The following MTX2 variants were observed in gnomAD, a reference collection of about 807,000 sequenced individuals.
MTX2 encodes the protein metaxin 2, also known as metaxin-2.
Under a neutral mutation model 42.3 loss-of-function variants are expected in MTX2, and 35 were observed. The ratio of observed to expected loss-of-function variants is 0.83; its 90% CI spans 0.63 to 1.10. The LOEUF (loss-of-function observed/expected upper bound fraction) is 1.10, where lower values mean the gene tolerates loss of function less well. MTX2 is among the 50% of genes least tolerant of loss of function. MTX2 has a pLI of 0.00. For missense variants in MTX2, 307 were observed against 304.1 expected, an observed-to-expected ratio of 1.01 and a Z score of -0.07; for synonymous variants, 119 against 100.9, an observed-to-expected ratio of 1.18 and a Z score of -1.08.
At chr2:176,277,468 T>C (rs1461766819) in intron 1 of MTX2, among the ~76,000 whole-genome samples, 1 of 152,192 alleles carries the variant, frequency 6.6e-6, no homozygotes, top group Non-Finnish European at 1.5e-5. Flanking sequence ...AGTGGTACAA[T>C]CTTGGCTCAC....
At chr2:176,312,163 A>T (rs988820444) in intron 3 of MTX2, among the ~76,000 whole-genome samples, 4 of 152,228 alleles carry the variant, frequency 2.6e-5, no homozygotes, top group Admixed American at 6.5e-5. Context: ...CAAGAGTTAC[A>T]TCTAACTTTT....
intron 1 of MTX2, among the ~76,000 whole-genome samples, chr2:176,291,449 C>A (rs775201351): frequency 6.6e-6 from 1 of 151,956 alleles, no homozygotes; most frequent in South Asian, 2.1e-4. Context: ...AAAAATCAGA[C>A]GTGAATGCTG....
chr2:176,329,270 T>C (rs1467236067), intron 7 of MTX2, 31 bp from the exon 8 acceptor site: 7 of 1,561,034 alleles, frequency 4.5e-6, no homozygotes, highest in Non-Finnish European at 6.1e-6. Flanking sequence ...TTAGGAAGGA[T>C]CACCTTTTTT....
At chr2:176,270,420 G>A (rs1447239710) in intron 1 of MTX2, 1 of 1,360,540 alleles carries the variant, frequency 7.4e-7, no homozygotes, top group South Asian at 1.1e-5. Flanking sequence ...ATGTATATAG[G>A]TTTGTAATTT....
chr2:176,270,537 A>G (rs1355521439), intron 1 of MTX2: 3 of 584,780 alleles, frequency 5.1e-6, no homozygotes, highest in Non-Finnish European at 8.2e-6. Flanking sequence ...GGAATTAGTC[A>G]TAACTCCCTA....
chr2:176,296,973 G>A, intron 2 of MTX2, 66 bp downstream of exon 2: 1 of 1,453,828 alleles, frequency 6.9e-7, no homozygotes, highest in Non-Finnish European at 9.6e-7. Flanking sequence ...AAAATCCTCA[G>A]TAATACAATT....
At chr2:176,322,076 A>G (rs1485435614) in intron 3 of MTX2, among the ~76,000 whole-genome samples, 1 of 152,110 alleles carries the variant, frequency 6.6e-6, no homozygotes, top group Non-Finnish European at 1.5e-5. Flanking sequence ...TTACAGAGCA[A>G]TGTAAGAATC....
chr2:176,269,726 G>A (rs1040784126), intron 1 of MTX2, 57 bp downstream of exon 1: 8 of 1,546,574 alleles, frequency 5.2e-6, no homozygotes, highest in East Asian at 2.4e-5. Flanking sequence ...GGAGCCGCGT[G>A]GGGTACAGGG....
intron 9 of MTX2, among the ~76,000 whole-genome samples, chr2:176,335,961 A>G (rs1166933946): frequency 6.6e-6 from 1 of 152,090 alleles, no homozygotes; most frequent in African/African-American, 2.4e-5. Context: ...ATTTAAAGCC[A>G]TGCATCTCTA....
rs1684741321 is a variant in MTX2, at chr2:176,327,642, T to C, written c.286-651T>C. 3.3e-5 allele frequency among the ~76,000 whole-genome samples: 5 copies of C among 150,154 alleles called. No homozygotes were observed. In the South Asian group the frequency reaches 1.0e-3, roughly 31 times the overall value. ...TTAGAATTTTATTTACTCAAGTTTATTGTTGGGCTTTTAGGTCATGGCCAA... is the reference window on the plus strand; with the variant it reads ...TTAGAATTTTATTTACTCAAGTTTACTGTTGGGCTTTTAGGTCATGGCCAA... On this transcript the variant is annotated intron_variant, in intron 5 of 9. Transcript: ENST00000249442.
intron 1 of MTX2, among the ~76,000 whole-genome samples, chr2:176,286,223 T>G (rs1024640828): frequency 6.6e-6 from 1 of 152,216 alleles, no homozygotes; most frequent in Non-Finnish European, 1.5e-5. Flanking sequence ...TTATGTTGTC[T>G]TTTTATTATA....
chr2:176,326,032 T>G (rs902259483), intron 4 of MTX2, among the ~76,000 whole-genome samples: 3 of 151,870 alleles, frequency 2.0e-5, no homozygotes, highest in African/African-American at 7.2e-5. Context: ...GAACTCTATT[T>G]GAACTAGGTG....
At chr2:176,306,524 C>CA (rs1684149653) in intron 3 of MTX2, among the ~76,000 whole-genome samples, 1 of 152,150 alleles carries the variant, frequency 6.6e-6, no homozygotes, top group African/African-American at 2.4e-5. Context: ...ACACTCCCAC[C>CA]AACAGTGTAA....
rs1477637468 is a variant in MTX2 at position 176,269,540 on chromosome 2, TC to T, written c.-89del. The T allele has an allele frequency of 7.8e-6, 11 of 1,417,856 alleles. No homozygotes were observed. Among genetic ancestry groups the T allele is most frequent in the Non-Finnish European group, 1.0e-5 (11 of 1,059,014 alleles). 87.8% of individuals were successfully genotyped at this position (1,417,856 alleles called of 1,614,324 possible). A position where few individuals can be genotyped will look rare whatever the true frequency, so the allele number is the denominator to read the frequency against. On this transcript the variant is annotated 5_prime_UTR_variant, in exon 1 of 10. Coordinates refer to ENST00000249442, the MANE Select transcript of MTX2 (RefSeq NM_006554.5). The stretch of plus-strand genomic sequence containing the variant: ...AGTCTGAACGTTGGCGGGGCTAGGC[TC>T]GTTAACTGCCGAGAGCCTCCGGGTT...
intron 3 of MTX2, among the ~76,000 whole-genome samples, chr2:176,321,661 A>G (rs1216250012): frequency 6.6e-6 from 1 of 152,120 alleles, no homozygotes; most frequent in Admixed American, 6.6e-5. Flanking sequence ...ATTCTAGTCA[A>G]CAGGGAGGAA....
chr2:176,291,107 A>T (rs1461543435), intron 1 of MTX2, among the ~76,000 whole-genome samples: 1 of 152,206 alleles, frequency 6.6e-6, no homozygotes, highest in Non-Finnish European at 1.5e-5. Flanking sequence ...TTAATTGCTG[A>T]GCCGATATAT....
intron 1 of MTX2, among the ~76,000 whole-genome samples, chr2:176,284,319 A>T (rs1475118403): frequency 2.0e-5 from 3 of 152,152 alleles, no homozygotes; most frequent in Non-Finnish European, 2.9e-5. Flanking sequence ...ATACTTATTA[A>T]GGAAGAATGG....
intron 1 of MTX2, among the ~76,000 whole-genome samples, chr2:176,274,456 T>G (rs935981676): frequency 1.3e-5 from 2 of 152,242 alleles, no homozygotes; most frequent in African/African-American, 2.4e-5. Context: ...AAAATTTACT[T>G]AAGTAGTATT....
At chr2:176,271,826 G>A (rs964629882) in intron 1 of MTX2, among the ~76,000 whole-genome samples, 1 of 152,168 alleles carries the variant, frequency 6.6e-6, no homozygotes, top group African/African-American at 2.4e-5. Context: ...AGCATTATTT[G>A]TAATAGCGAA....
Sources: gnomAD v4.1 joint callset for allele counts (sites outside exome capture counted in the v4.1 genomes callset) on GRCh38, gnomAD v4.1.1 for gene constraint, MANE v1.5 for transcripts, NCBI Gene and HGNC (gene_info 2026-07-23, HGNC 2026-07-21) for gene names.